Variants in PTPRD observed in about 807,000 individuals in gnomAD.
PTPRD encodes receptor-type tyrosine-protein phosphatase delta.
In PTPRD, 34 loss-of-function variants were observed where a neutral mutation model predicts 214.5. That is an observed-to-expected ratio of 0.16 (90% CI 0.12 to 0.21). The LOEUF (loss-of-function observed/expected upper bound fraction) is 0.21. Ranked by LOEUF, PTPRD falls within the 10% of genes least tolerant of loss-of-function variation. The pLI is 1.00. For synonymous variants in PTPRD, 1,128 were observed against 845.7 expected (o/e 1.33, Z -5.79); for missense variants, 2,545 against 2,398.7 (o/e 1.06, Z -1.27).
At chr9:9,271,102 T>A (rs1187932271) in intron 9 of PTPRD, among the ~76,000 whole-genome samples, 1 of 151,280 alleles carries the variant, frequency 6.6e-6, no homozygotes, top group Non-Finnish European at 1.5e-5. Flanking sequence ...GATATGCTGC[T>A]GATATGAAGC....
intron 9 of PTPRD, among the ~76,000 whole-genome samples, chr9:9,325,127 A>G (rs1050584437): frequency 1.3e-5 from 2 of 152,180 alleles, no homozygotes; most frequent in Middle Eastern, 3.2e-3. Flanking sequence ...AGGTAGCGTG[A>G]TGCCTCCAGC....
At chr9:9,439,820 G>A (rs1269996121) in intron 8 of PTPRD, among the ~76,000 whole-genome samples, 1 of 152,096 alleles carries the variant, frequency 6.6e-6, no homozygotes, top group Non-Finnish European at 1.5e-5. Flanking sequence ...AGTAATTCTA[G>A]GAAGTTGGTA....
intron 6 of PTPRD, among the ~76,000 whole-genome samples, chr9:9,764,365 T>C (rs2098689186): frequency 6.6e-6 from 1 of 152,200 alleles, no homozygotes; most frequent in African/African-American, 2.4e-5. Flanking sequence ...CCCTTATGTA[T>C]GACACACAAA....
chr9:9,830,762 G>C (rs1446005161), intron 5 of PTPRD, among the ~76,000 whole-genome samples: 1 of 151,930 alleles, frequency 6.6e-6, no homozygotes, highest in African/African-American at 2.4e-5. Flanking sequence ...CAACAGAGTA[G>C]TCTTAAGCAG....
chr9:9,943,942 C>A (rs541796930), intron 4 of PTPRD, among the ~76,000 whole-genome samples: 3 of 152,258 alleles, frequency 2.0e-5, no homozygotes, highest in African/African-American at 4.8e-5. Context: ...CTAAATATAT[C>A]TTCCTACATA....
intron 4 of PTPRD, among the ~76,000 whole-genome samples, chr9:9,979,042 A>T (rs1364726142): frequency 6.6e-6 from 1 of 152,098 alleles, no homozygotes; most frequent in Non-Finnish European, 1.5e-5. Context: ...CTCAGAGAAA[A>T]TATTATTTTT....
intron 2 of PTPRD, among the ~76,000 whole-genome samples, chr9:10,461,794 G>A (rs1233491790): frequency 1.3e-5 from 2 of 151,898 alleles, no homozygotes; most frequent in African/African-American, 4.8e-5. Flanking sequence ...AGCTAATTTT[G>A]TATTTTTAGT....
rs1272890919 is a variant in PTPRD at position 9,177,414 on chromosome 9, T to C, written c.-143+5890A>G. On this transcript the variant is annotated intron_variant, in intron 10 of 45. Transcript: ENST00000381196. ...CCATATCACGACCCTAATTGTTTTT[T>C]AGCTTCTATTTTTAGAAGTGAACTG... 2.6e-5 allele frequency among the ~76,000 whole-genome samples: 4 copies of C among 152,142 alleles called. No homozygotes were observed. In the East Asian group the frequency reaches 7.7e-4, roughly 29 times the overall value.
chr9:10,408,231 T>C (rs1423122709), intron 2 of PTPRD, among the ~76,000 whole-genome samples: 1 of 151,408 alleles, frequency 6.6e-6, no homozygotes, highest in Non-Finnish European at 1.5e-5. Flanking sequence ...CTTCCTAAAC[T>C]GGGTATTTTT....
chr9:9,207,818 T>A (rs2099945814), intron 9 of PTPRD, among the ~76,000 whole-genome samples: 1 of 152,048 alleles, frequency 6.6e-6, no homozygotes, highest in Non-Finnish European at 1.5e-5. Context: ...TTTCCATCAA[T>A]GGCAGGTTGG....
intron 10 of PTPRD, among the ~76,000 whole-genome samples, chr9:9,094,825 C>T (rs72694970): frequency 0.12 from 17,558 of 152,038 alleles, 1,219 homozygotes; most frequent in East Asian, 0.23. Context: ...GAAAACTTTA[C>T]GAGGCTAGCA....
intron 35 of PTPRD, among the ~76,000 whole-genome samples, chr9:8,409,916 C>T (rs2093373109): frequency 6.6e-6 from 1 of 152,168 alleles, no homozygotes; most frequent in African/African-American, 2.4e-5. Context: ...ATTGAACTTT[C>T]AATGACCTTA....
intron 5 of PTPRD, among the ~76,000 whole-genome samples, chr9:9,915,358 C>T (rs140055174): frequency 1.3e-5 from 2 of 151,642 alleles, no homozygotes; most frequent in East Asian, 3.9e-4. Context: ...CCAAAAAAAA[C>T]TGATTATCTA....
chr9:8,586,143 T>G (rs907375823), intron 14 of PTPRD, among the ~76,000 whole-genome samples: 2 of 151,996 alleles, frequency 1.3e-5, no homozygotes, highest in African/African-American at 4.8e-5. Flanking sequence ...CTATTAAAAA[T>G]ACAAAAATTA....
At chr9:8,561,034 G>A (rs1010372413) in intron 14 of PTPRD, among the ~76,000 whole-genome samples, 1 of 151,906 alleles carries the variant, frequency 6.6e-6, no homozygotes. Flanking sequence ...CCTCCAAACT[G>A]AAGACAGTTT....
chr9:9,737,488 T>A (rs2098320613), intron 6 of PTPRD, among the ~76,000 whole-genome samples: 1 of 152,202 alleles, frequency 6.6e-6, no homozygotes. Context: ...ATAGTACCTA[T>A]TAGCAGCCAA....
chr9:9,226,759 C>G (rs1049302910), intron 9 of PTPRD, among the ~76,000 whole-genome samples: 2 of 152,032 alleles, frequency 1.3e-5, no homozygotes, highest in African/African-American at 4.8e-5. Context: ...AAGGTAACCT[C>G]TCTAACTATT....
At chr9:10,359,378 A>G (rs896883569) in intron 2 of PTPRD, among the ~76,000 whole-genome samples, 1 of 151,984 alleles carries the variant, frequency 6.6e-6, no homozygotes, top group Non-Finnish European at 1.5e-5. Flanking sequence ...TTTACTCCCC[A>G]GTTGTAAATA....
At chr9:8,552,571 G>A (rs1314623172) in intron 14 of PTPRD, among the ~76,000 whole-genome samples, 1 of 152,108 alleles carries the variant, frequency 6.6e-6, no homozygotes, top group Non-Finnish European at 1.5e-5. Context: ...GATTCATGAT[G>A]AACGGAGGCC....
Sources: allele counts gnomAD v4.1 joint callset (sites outside exome capture counted in the v4.1 genomes callset), GRCh38; gene constraint gnomAD v4.1.1; transcripts MANE v1.5; gene names NCBI Gene and HGNC (gene_info 2026-07-23, HGNC 2026-07-21).